TULP3: variants seen among roughly 807,000 people sequenced by gnomAD.
The protein encoded by TULP3 is TUB like protein 3, also known as tubby-related protein 3.
Under a neutral mutation model 50.7 loss-of-function variants are expected in TULP3, and 38 were observed. The ratio of observed to expected loss-of-function variants is 0.75; its 90% CI spans 0.58 to 0.98. The LOEUF (loss-of-function observed/expected upper bound fraction) is 0.98. Ranked by LOEUF, TULP3 falls within the 50% of genes least tolerant of loss-of-function variation. The probability of loss-of-function intolerance (pLI) is 0.00; values close to 1 mark genes in which losing one functional copy is unlikely to be tolerated. For missense variants in TULP3, 550 were observed against 568.0 expected (o/e 0.97, Z 0.32); for synonymous variants, 183 against 196.6 (o/e 0.93, Z 0.58).
rs56027951 is a variant in TULP3 at position 2,911,664 on chromosome 12, C to CTTTTTT, written c.93+2122_93+2127dup. On this transcript the variant is annotated intron_variant, in intron 2 of 10. Transcript: ENST00000448120. ...ACAGGCGTGAGCCACTGCGCCCAGC[C>CTTTTTT]TTTTTTTTTTTTTTTTTTTTTTTTT... Among the ~76,000 whole-genome samples the CTTTTTT allele has an allele frequency of 5.8e-3, 220 of 38,156 alleles. 32 individuals carry two copies. The highest frequency in any genetic ancestry group is 8.3e-3 in the Non-Finnish European group (162 of 19,590). The allele number at this position is 38,156 out of a possible 152,430, so 25.0% of individuals were successfully genotyped here.
At chr12:2,921,254 C>G (rs904065403) in intron 3 of TULP3, among the ~76,000 whole-genome samples, 5 of 152,158 alleles carry the variant, frequency 3.3e-5, no homozygotes, top group Non-Finnish European at 7.3e-5. Flanking sequence ...ATTCTCCTGC[C>G]TCAACTTCCC....
intron 2 of TULP3, among the ~76,000 whole-genome samples, chr12:2,920,516 G>GA (rs992653397): frequency 1.3e-3 from 189 of 146,480 alleles, no homozygotes; most frequent in East Asian, 7.7e-3. Flanking sequence ...TCAAAAAAAA[G>GA]AAAAAAAAAA....
At chr12:2,897,797 G>A (rs2098176414) in intron 1 of TULP3, among the ~76,000 whole-genome samples, 1 of 127,822 alleles carries the variant, frequency 7.8e-6, no homozygotes. Context: ...AAAAATTCTA[G>A]GCCCAGTGCG....
At position 2,920,972 on chromosome 12, in the gene TULP3, C is replaced by G. The variant is rs373735109; in HGVS notation, c.253+50C>G. ...CCTAGTGGGGTACAATTTTCACAAA[C>G]CTAGAAGGCACGAGGATTGTCAGAC... On this transcript the variant is annotated intron_variant, in intron 3 of 10. Coordinates refer to ENST00000448120, the MANE Select transcript of TULP3 (RefSeq NM_003324.5). The G allele has an allele frequency of 3.7e-6, 6 of 1,604,220 alleles. No individual in the cohort carries two copies. The African/African-American group carries it at 8.0e-5, about 21-fold the overall frequency.
In TULP3 at chr12:2,929,178, A is replaced by G. The variant is rs549245781; in HGVS notation, c.395-1070A>G. Among the ~76,000 whole-genome samples the G allele has an allele frequency of 4.8e-3, 724 of 151,446 alleles. 4 individuals are homozygous for G. Among genetic ancestry groups the G allele is most frequent in the African/African-American group, 0.016 (671 of 41,290 alleles). On this transcript the variant is annotated intron_variant, in intron 4 of 10. Coordinates refer to ENST00000448120, the MANE Select transcript of TULP3 (RefSeq NM_003324.5). The stretch of plus-strand genomic sequence containing the variant: ...CTAAAAATACAAAAATTAGCCGGGC[A>G]TGGTGGCGCGCGCCTGTAGTCCCAG...
chr12:2,891,035 C>A, intron 1 of TULP3, 47 bp downstream of exon 1: 1 of 1,504,996 alleles, frequency 6.6e-7, no homozygotes, highest in Admixed American at 2.2e-5. Context: ...GGCGGAGGGG[C>A]GAAGCGAGAA....
At chr12:2,911,661 A>G (rs569213440) in intron 2 of TULP3, among the ~76,000 whole-genome samples, 135 of 69,000 alleles carry the variant, frequency 2.0e-3, no homozygotes, top group Non-Finnish European at 4.0e-3. Flanking sequence ...CACTGCGCCC[A>G]GCCTTTTTTT....
intron 2 of TULP3, among the ~76,000 whole-genome samples, chr12:2,918,968 C>T (rs1205993993): frequency 6.6e-6 from 1 of 151,958 alleles, no homozygotes; most frequent in African/African-American, 2.4e-5. Context: ...TCTCAGCTCA[C>T]CACAACCTCT....
rs11062424 is a variant in TULP3 at position 2,939,589 on chromosome 12, A to G, written c.*145A>G. On this transcript the variant is annotated 3_prime_UTR_variant, in exon 11 of 11. Transcript: ENST00000448120. This position sits in a 1 kb window ranked among gnomAD's most constrained non-coding sequence, Gnocchi z 4.0. ...CTCTGAATATATAAAACACACACAC[A>G]AAGAGCAATAGTTTGCCCCTTTTGG... is the stretch of plus-strand genomic sequence containing the variant. 0.13 allele frequency: 141,543 copies of G among 1,097,556 alleles called. 16,319 individuals are homozygous for G. Among genetic ancestry groups the G allele is most frequent in the African/African-American group, 0.35 (19,986 of 56,416 alleles). 68.0% of individuals were successfully genotyped at this position (1,097,556 alleles called of 1,614,324 possible).
chr12:2,896,651 GA>G (rs914136331), intron 1 of TULP3, among the ~76,000 whole-genome samples: 1 of 152,094 alleles, frequency 6.6e-6, no homozygotes, highest in African/African-American at 2.4e-5. Context: ...TATGCTCCTG[GA>G]AAAATAAAAT....
At chr12:2,918,579 T>C (rs557732410) in intron 2 of TULP3, among the ~76,000 whole-genome samples, 9 of 151,942 alleles carry the variant, frequency 5.9e-5, no homozygotes, top group African/African-American at 2.2e-4. Context: ...TTGCTGTTGT[T>C]GCACAGGCTG....
chr12:2,931,636 G>A (rs187229650), intron 6 of TULP3, among the ~76,000 whole-genome samples: 3 of 152,278 alleles, frequency 2.0e-5, no homozygotes, highest in Admixed American at 2.0e-4. Context: ...AATACAGAAG[G>A]ACCTACAAGT....
In TULP3 at chr12:2,939,305, T is replaced by G. The variant is rs972564949; in HGVS notation, c.1196-6T>G. 6.2e-6 allele frequency: 10 copies of G among 1,613,008 alleles called. No homozygotes were observed. The Admixed American group carries it at 1.5e-4, about 24-fold the overall frequency. On this transcript the variant is annotated splice_region_variant and splice_polypyrimidine_tract_variant and intron_variant, in intron 10 of 10. Coordinates refer to ENST00000448120, the MANE Select transcript of TULP3 (RefSeq NM_003324.5). The surrounding 1 kb of genome is among the most constrained non-coding windows in gnomAD (Gnocchi z 4.0). ...TTCTAACATGTTGATTTCTTTCTGT[T>G]TCTAGCTGATTATATAGTCATGCAG...
At position 2,920,816 on chromosome 12, in the gene TULP3, G is replaced by GGGC; in HGVS notation, c.147_148insGGC (p.Val49_Gln50insGly). 6.2e-7 allele frequency: 1 copy of GGGC among 1,614,122 alleles called. No homozygotes were observed. Among genetic ancestry groups the GGGC allele is most frequent in the Non-Finnish European group, 8.5e-7 (1 of 1,180,030 alleles). On this transcript the variant is annotated inframe_insertion, in exon 3 of 11. Transcript: ENST00000448120. ...AAAAGCGCCTTGAGCCATTTATGGT[G>GGGC]CAGCCCAATCCAGAAGCCAGGCTAC... is the stretch of plus-strand genomic sequence containing the variant.
chr12:2,891,838 G>A (rs1454709056), intron 1 of TULP3, among the ~76,000 whole-genome samples: 1 of 151,992 alleles, frequency 6.6e-6, no homozygotes, highest in Non-Finnish European at 1.5e-5. Context: ...AGGATCGCTT[G>A]GTCTCAGGAG....
At chr12:2,913,363 C>A (rs2098186787) in intron 2 of TULP3, among the ~76,000 whole-genome samples, 1 of 151,234 alleles carries the variant, frequency 6.6e-6, no homozygotes, top group African/African-American at 2.4e-5. Context: ...TCCTCCCACC[C>A]CAGCCTCCCA....
chr12:2,894,128 G>A (rs958310234), intron 1 of TULP3, among the ~76,000 whole-genome samples: 2 of 152,064 alleles, frequency 1.3e-5, no homozygotes, highest in Non-Finnish European at 2.9e-5. Flanking sequence ...AATTGAAGGC[G>A]TGCTTCCCAC....
At chr12:2,918,023 A>T (rs968284133) in intron 2 of TULP3, among the ~76,000 whole-genome samples, 2 of 152,014 alleles carry the variant, frequency 1.3e-5, no homozygotes, top group East Asian at 3.9e-4. Flanking sequence ...CAGGAGGCAG[A>T]GATTGCAAGT....
intron 4 of TULP3, among the ~76,000 whole-genome samples, chr12:2,924,290 G>A (rs1201694347): frequency 3.3e-5 from 5 of 152,184 alleles, no homozygotes; most frequent in African/African-American, 1.2e-4. Flanking sequence ...CATAGGGTAG[G>A]AAGGGGGATG....
Sources: allele counts gnomAD v4.1 joint callset (sites outside exome capture counted in the v4.1 genomes callset), GRCh38; gene constraint gnomAD v4.1.1; non-coding constraint Gnocchi (gnomAD v3.1); transcripts MANE v1.5; gene names NCBI Gene and HGNC (gene_info 2026-07-23, HGNC 2026-07-21).